Variants in GALNT2 observed in about 807,000 individuals in gnomAD.
GALNT2 encodes the protein polypeptide N-acetylgalactosaminyltransferase 2.
A neutral mutation model predicts 81.4 loss-of-function variants in GALNT2; 31 were observed. The observed-to-expected ratio is 0.38, with a 90% CI of 0.29 to 0.51. The LOEUF is 0.51. GALNT2 is among the 20% of genes least tolerant of loss of function. The pLI, the probability that GALNT2 is intolerant of heterozygous loss-of-function variation, is 0.87. For synonymous variants in GALNT2, 303 were observed against 287.4 expected, an observed-to-expected ratio of 1.05 and a Z score of -0.55; for missense variants, 629 against 765.7, an observed-to-expected ratio of 0.82 and a Z score of 2.11.
chr1:230,191,509 A>AT (rs556421288), intron 2 of GALNT2, among the ~76,000 whole-genome samples: 22 of 152,220 alleles, frequency 1.4e-4, no homozygotes, highest in Middle Eastern at 3.4e-3. Context: ...AGAGGGAAGC[A>AT]TTTTTTTGTT....
chr1:230,128,257 A>ATATGTGTGTGTGTGTGTG (rs1553258996), intron 1 of GALNT2, among the ~76,000 whole-genome samples: 71 of 149,870 alleles, frequency 4.7e-4, no homozygotes, highest in African/African-American at 1.7e-3. Context: ...GCGCTGGAGA[A>ATATGTGTGTGTGTGTGTG]TGTGTGTGTG....
At chr1:230,175,593 C>CT (rs1662946576) in intron 1 of GALNT2, among the ~76,000 whole-genome samples, 2 of 80,512 alleles carry the variant, frequency 2.5e-5, no homozygotes, top group African/African-American at 8.0e-5. Flanking sequence ...CCTCCTCGTC[C>CT]CCTCCTCGTC....
chr1:230,236,548 G>C (rs142963278), intron 5 of GALNT2, 112 bp from the exon 6 acceptor site: 1 of 1,410,518 alleles, frequency 7.1e-7, no homozygotes, highest in Non-Finnish European at 9.9e-7. Flanking sequence ...AGGTGCCTCT[G>C]TGATGCCCCA....
chr1:230,254,424 A>T (rs745611129), intron 10 of GALNT2, among the ~76,000 whole-genome samples: 92 of 152,286 alleles, frequency 6.0e-4, no homozygotes, highest in Non-Finnish European at 1.0e-3. Context: ...TACCTGGGCC[A>T]GCTGGTTACT....
chr1:230,230,568 G>T (rs1664839083), intron 3 of GALNT2, among the ~76,000 whole-genome samples: 1 of 152,200 alleles, frequency 6.6e-6, no homozygotes, highest in Admixed American at 6.5e-5. Context: ...CCCTTAGAGG[G>T]ACTCCACTGG....
intron 1 of GALNT2, among the ~76,000 whole-genome samples, chr1:230,090,928 T>C (rs1251724279): frequency 2.0e-5 from 3 of 152,118 alleles, no homozygotes; most frequent in Non-Finnish European, 4.4e-5. Context: ...GAGTTATCAA[T>C]GGGGGATTGG....
intron 1 of GALNT2, among the ~76,000 whole-genome samples, chr1:230,092,184 T>TTGTTTTTTTTTTTTTG (rs796379271): frequency 0.027 from 3,241 of 119,508 alleles, 68 homozygotes; most frequent in South Asian, 0.043. Flanking sequence ...TAGTTTTTTT[T>TTGTTTTTTTTTTTTTG]TTTTTTTTTT....
At chr1:230,058,533 C>T (rs977794510) in intron 1 of GALNT2, among the ~76,000 whole-genome samples, 1 of 152,232 alleles carries the variant, frequency 6.6e-6, no homozygotes, top group African/African-American at 2.4e-5. Flanking sequence ...ACTCGCTGAG[C>T]TGCCTTGGGC....
intron 14 of GALNT2, among the ~76,000 whole-genome samples, chr1:230,267,385 T>C (rs1666064323): frequency 6.6e-6 from 1 of 152,236 alleles, no homozygotes; most frequent in African/African-American, 2.4e-5. Context: ...GCTGTCCAGG[T>C]GGCTGCGCCT....
intron 2 of GALNT2, among the ~76,000 whole-genome samples, chr1:230,197,927 G>C (rs1191879360): frequency 6.6e-6 from 1 of 152,174 alleles, no homozygotes; most frequent in African/African-American, 2.4e-5. Flanking sequence ...GGGCAGGCAG[G>C]CTCGGGAGGG....
intron 1 of GALNT2, among the ~76,000 whole-genome samples, chr1:230,146,877 G>T (rs60264116): frequency 0.043 from 6,508 of 152,190 alleles, 334 homozygotes; most frequent in African/African-American, 0.12. Context: ...TAAGAACCAC[G>T]CAGGGTCCTG....
chr1:230,251,536 C>T (rs1665544798), intron 10 of GALNT2, among the ~76,000 whole-genome samples: 1 of 152,122 alleles, frequency 6.6e-6, no homozygotes, highest in African/African-American at 2.4e-5. Flanking sequence ...TACTATACTG[C>T]ACGGGTGGAG....
At chr1:230,146,313 T>C (rs1439879480) in intron 1 of GALNT2, among the ~76,000 whole-genome samples, 1 of 152,238 alleles carries the variant, frequency 6.6e-6, no homozygotes, top group Non-Finnish European at 1.5e-5. Context: ...GAGAACTTGT[T>C]CGCAGCTATT....
At chr1:230,182,913 C>T (rs1479402351) in intron 2 of GALNT2, among the ~76,000 whole-genome samples, 1 of 152,100 alleles carries the variant, frequency 6.6e-6, no homozygotes, top group Non-Finnish European at 1.5e-5. Context: ...ATTTTTATGC[C>T]TCATGCATTT....
chr1:230,274,234 T>A (rs1158589706), intron 14 of GALNT2, among the ~76,000 whole-genome samples: 1 of 152,260 alleles, frequency 6.6e-6, no homozygotes, highest in Non-Finnish European at 1.5e-5. Context: ...TCAGCCAACT[T>A]ACTGCTCAGT....
chr1:230,235,817 A>T (rs752961135), intron 3 of GALNT2, among the ~76,000 whole-genome samples, 197 bp from the exon 4 acceptor site: 7 of 152,142 alleles, frequency 4.6e-5, no homozygotes, highest in Non-Finnish European at 1.0e-4. Flanking sequence ...CTCAGAACGT[A>T]ACTCCGGTTG....
intron 2 of GALNT2, among the ~76,000 whole-genome samples, chr1:230,197,973 G>T (rs1244801540): frequency 6.6e-6 from 1 of 152,164 alleles, no homozygotes; most frequent in African/African-American, 2.4e-5. Flanking sequence ...TTTAAAAAAT[G>T]CCTGCAAACG....
rs1161216760 is a variant in GALNT2 at position 230,236,395 on chromosome 1, C to G, written c.516C>G (p.Ile172Met). ...KSPPHLIKEI[I>M]LVDDYSNDPE... ...CGCCCCATCTCATAAAAGAAATCAT[C>G]TTGGTGGATGACTACAGCAATGATC... Residue 172 changes from isoleucine (I) to methionine (M), a missense_variant, in exon 5 of 16, where the codon ATC becomes ATG. Ile to Met is a conservative substitution (Grantham distance 10, BLOSUM62 1). Around this residue, in one of 3 missense-constraint regions of GALNT2, gnomAD observed 360 missense variants for 492.8 expected, o/e 0.73. Transcript: ENST00000366672. 1.9e-6 allele frequency: 3 copies of G among 1,614,010 alleles called. No individual in the cohort carries two copies. In the African/African-American group the frequency reaches 4.0e-5, roughly 22 times the overall value.
intron 1 of GALNT2, among the ~76,000 whole-genome samples, chr1:230,129,453 G>A (rs890758710): frequency 1.3e-5 from 2 of 152,134 alleles, no homozygotes; most frequent in African/African-American, 4.8e-5. Context: ...AAGTAGCTGT[G>A]ACTATAGGTG....
Sources: allele counts gnomAD v4.1 joint callset (sites outside exome capture counted in the v4.1 genomes callset), GRCh38; gene constraint gnomAD v4.1.1; regional missense constraint gnomAD v4.1.1; transcripts MANE v1.5; gene names NCBI Gene and HGNC (gene_info 2026-07-23, HGNC 2026-07-21).